The following CLUH variants were observed in gnomAD, a reference collection of about 807,000 sequenced individuals.
The protein encoded by CLUH is CLUH binding protein of NUMT mRNA.
CLUH carries 77 observed loss-of-function variants against 139.3 expected under a neutral mutation model. That is an observed-to-expected ratio of 0.55 (90% CI 0.46 to 0.67). CLUH has a LOEUF of 0.67. CLUH is among the 30% of genes least tolerant of loss of function. The probability of loss-of-function intolerance (pLI) is 0.00; values close to 1 mark genes in which losing one functional copy is unlikely to be tolerated. For missense variants in CLUH, 1,876 were observed against 1,875.8 expected (o/e 1.00, Z 0.00); for synonymous variants, 999 against 801.6 (o/e 1.25, Z -4.16).
chr17:2,701,784 G>A, intron 4 of CLUH, 47 bp from the exon 5 acceptor site: 1 of 1,555,884 alleles, frequency 6.4e-7, no homozygotes, highest in African/African-American at 1.4e-5. Context: ...CCCAGGGCCA[G>A]CTGTCTCCCT....
Position 2,692,804 on chromosome 17 carries a change from C to T in CLUH, c.3288G>A (p.Glu1096=). ...CGTATTCCTGGATGGTGTTGGGGTG[C>T]TCGGTGCCCATCACCCGCTCGCTCA... is the stretch of plus-strand genomic sequence containing the variant. ...VLMSERVMGT[E]HPNTIQEYMH... The change falls in exon 20 of 26, where the codon GAG becomes GAA. Residue 1096 remains glutamate (E), a synonymous_variant. Coordinates refer to ENST00000651024, the MANE Select transcript of CLUH (RefSeq NM_001366661.1). The T allele has an allele frequency of 6.2e-7, 1 of 1,603,516 alleles. No individual in the cohort carries two copies. Among genetic ancestry groups the T allele is most frequent in the South Asian group, 1.1e-5 (1 of 90,074 alleles).
In CLUH at chr17:2,689,450, G is replaced by C. The variant is rs1045884; in HGVS notation, c.*1144C>G. 8 of 152,686 alleles carry C rather than the reference G, an allele frequency of 5.2e-5. No individual in the cohort carries two copies. Among genetic ancestry groups the C allele is most frequent in the South Asian group, 2.1e-4 (1 of 4,838 alleles). The allele number at this position is 152,686 out of a possible 1,614,324, so 9.5% of individuals were successfully genotyped here. On this transcript the variant is annotated 3_prime_UTR_variant, in exon 26 of 26. Coordinates refer to ENST00000651024, the MANE Select transcript of CLUH (RefSeq NM_001366661.1). ...TGAGGACGTGATGGTTTAAAAACAA[G>C]AAAAAGTTCTTGCTCAGCGGTGGGG...
chr17:2,694,727 C>T, intron 16 of CLUH, 130 bp downstream of exon 16: 1 of 1,381,246 alleles, frequency 7.2e-7, no homozygotes, highest in Non-Finnish European at 9.7e-7. Context: ...CCAGTGATCT[C>T]CACAGCTGCT....
At position 2,690,443 on chromosome 17, in the gene CLUH, C is replaced by G. The variant is rs935464327; in HGVS notation, c.*151G>C. 1.1e-5 allele frequency: 7 copies of G among 615,106 alleles called. No individual in the cohort carries two copies. Among genetic ancestry groups the G allele is most frequent in the African/African-American group, 1.9e-5 (1 of 51,834 alleles). 38.1% of individuals were successfully genotyped at this position (615,106 alleles called of 1,614,324 possible). ...AACACCTTCTGCGGGGCAGGCAGGC[C>G]AGGCTCCCAGGAGGACACGGGGGTG... On this transcript the variant is annotated 3_prime_UTR_variant, in exon 26 of 26. Transcript: ENST00000651024.
chr17:2,705,482 T>C (rs1193280031), intron 1 of CLUH, among the ~76,000 whole-genome samples: 1 of 151,752 alleles, frequency 6.6e-6, no homozygotes, highest in Non-Finnish European at 1.5e-5. Context: ...CCCACAGCCC[T>C]CCCACCGCCC....
In CLUH at chr17:2,694,510, C is replaced by T; in HGVS notation, c.2907G>A (p.Leu969=). 2 of 1,584,052 alleles carry T rather than the reference C, an allele frequency of 1.3e-6. No individual in the cohort carries two copies. Among genetic ancestry groups the T allele is most frequent in the Non-Finnish European group, 1.7e-6 (2 of 1,165,574 alleles). ...ETYGLQKITL[L]REISLKTGIQ... is the part of the protein sequence containing the mutation. ...TCCCTGTTTTCAGCGAGATCTCCCGCAGGAGCGTTATCTTCTGCAGGCCGT... is the reference window on the plus strand; with the variant it reads ...TCCCTGTTTTCAGCGAGATCTCCCGTAGGAGCGTTATCTTCTGCAGGCCGT... The change falls in exon 17 of 26, where the codon CTG becomes CTA. Residue 969 remains leucine, a synonymous_variant. Transcript: ENST00000651024.
intron 9 of CLUH, among the ~76,000 whole-genome samples, chr17:2,699,965 C>T (rs2070115220): frequency 6.6e-6 from 1 of 152,178 alleles, no homozygotes; most frequent in Non-Finnish European, 1.5e-5. Context: ...TGCTTTTCCT[C>T]ATTTCTCTTA....
chr17:2,690,543 C>G lies in CLUH; in HGVS notation c.*51G>C, dbSNP rs866354421. On this transcript the variant is annotated 3_prime_UTR_variant, in exon 26 of 26. Transcript: ENST00000651024. ...CAGGCTCGCCCCCTTCTCCCGCAGT[C>G]GGGCTCCCTGGTGACGGGGCCGCTG... is the stretch of plus-strand genomic sequence containing the variant. 26 of 1,388,832 alleles carry G rather than the reference C, an allele frequency of 1.9e-5. No homozygotes were observed. The highest frequency in any genetic ancestry group is 4.4e-4 in the Middle Eastern group (2 of 4,548). 86.0% of individuals were successfully genotyped at this position (1,388,832 alleles called of 1,614,324 possible).
chr17:2,701,403 T>C lies in CLUH; in HGVS notation c.862A>G (p.Ser288Gly), dbSNP rs1249271366. 7.4e-6 allele frequency: 12 copies of C among 1,611,182 alleles called. No homozygotes were observed. The highest frequency in any genetic ancestry group is 1.1e-5 in the South Asian group (1 of 90,480). Residue 288 changes from serine to glycine, a missense_variant, in exon 6 of 26, where the codon AGC (serine) becomes GGC (glycine). Transcript: ENST00000651024. The part of the protein sequence containing the change: ...FVITAEDRQV[S>G]ITASTRGFYL... ...AAGCCCCGTGTGGACGCGGTGATGC[T>C]GACTTGCCGGTCCTCGGCTGTGATC... is the stretch of plus-strand genomic sequence containing the variant.
chr17:2,694,114 G>C lies in CLUH; in HGVS notation c.3091+9C>G. On this transcript the variant is annotated intron_variant, in intron 18 of 25. Coordinates refer to ENST00000651024, the MANE Select transcript of CLUH (RefSeq NM_001366661.1). ...CCCCACCTCCACCCAGCCCCACCTG[G>C]CCACACACCCTGCTGCACTTTGGCC... 6.2e-7 allele frequency: 1 copy of C among 1,613,898 alleles called. No individual in the cohort carries two copies.
chr17:2,690,786 A>G lies in CLUH; in HGVS notation c.3864-9T>C. 4.0e-6 allele frequency: 6 copies of G among 1,484,756 alleles called. No individual in the cohort carries two copies. The highest frequency in any genetic ancestry group is 1.4e-5 in the South Asian group (1 of 71,598). The allele number at this position is 1,484,756 out of a possible 1,614,324, so 92.0% of individuals were successfully genotyped here. A position where few individuals can be genotyped will look rare whatever the true frequency, so the allele number is the denominator to read the frequency against. ...TCTCCAGGTCTTTTTGGCTGAGGAT[A>G]AGGGTGGGGATGGAGGTGGCTCTCA... is the stretch of plus-strand genomic sequence containing the variant. On this transcript the variant is annotated splice_polypyrimidine_tract_variant and intron_variant, in intron 25 of 25. Coordinates refer to ENST00000651024, the MANE Select transcript of CLUH (RefSeq NM_001366661.1).
chr17:2,708,145 C>A (rs374690732), intron 1 of CLUH, among the ~76,000 whole-genome samples: 1 of 152,188 alleles, frequency 6.6e-6, no homozygotes, highest in South Asian at 2.1e-4. Flanking sequence ...CCAGTAAGGG[C>A]TGCCCCAGCA....
chr17:2,690,525 G>A lies in CLUH; in HGVS notation c.*69C>T. 7.6e-7 allele frequency: 1 copy of A among 1,316,312 alleles called. No homozygotes were observed. Among genetic ancestry groups the A allele is most frequent in the Non-Finnish European group, 9.9e-7 (1 of 1,009,718 alleles). The allele number at this position is 1,316,312 out of a possible 1,614,324, so 81.5% of individuals were successfully genotyped here. ...TGCTTCCTCTTCCGCCCGCAGGCTC[G>A]CCCCCTTCTCCCGCAGTCGGGCTCC... On this transcript the variant is annotated 3_prime_UTR_variant, in exon 26 of 26. Transcript: ENST00000651024.
At chr17:2,697,481 G>A (rs938366207) in intron 10 of CLUH, among the ~76,000 whole-genome samples, 1 of 151,922 alleles carries the variant, frequency 6.6e-6, no homozygotes, top group African/African-American at 2.4e-5. Context: ...GCTCTCAACA[G>A]TGACAGGAAG....
intron 16 of CLUH, 127 bp downstream of exon 16, chr17:2,694,730 C>T (rs1035549419): frequency 5.8e-6 from 8 of 1,381,362 alleles, no homozygotes; most frequent in African/African-American, 2.9e-5. Flanking sequence ...GTGATCTCCA[C>T]AGCTGCTCCC....
chr17:2,698,066 C>A lies in CLUH; in HGVS notation c.1791G>T (p.Gly597=). The A allele has an allele frequency of 6.2e-7, 1 of 1,606,446 alleles. No individual in the cohort carries two copies. The highest frequency in any genetic ancestry group is 8.5e-7 in the Non-Finnish European group (1 of 1,178,784). The part of the protein sequence containing the change: ...VECKGIIGND[G]RHYILDLLRT... ...GCAGCAGGTCGAGGATGTAGTGGCG[C>A]CCGTCGTTGCCAATGATGCCCTTGC... The change falls in exon 10 of 26, where the codon GGG becomes GGT. Residue 597 remains glycine, a synonymous_variant. Coordinates refer to ENST00000651024, the MANE Select transcript of CLUH (RefSeq NM_001366661.1).
At position 2,696,230 on chromosome 17, in the gene CLUH, C is replaced by T; in HGVS notation, c.2320G>A (p.Glu774Lys). Residue 774 changes from glutamate (E) to lysine (K), a missense_variant, in exon 13 of 26, where the codon GAA (glutamate) becomes AAA (lysine). Around this residue, in one of 3 missense-constraint regions of CLUH, gnomAD observed 1,454 missense variants for 1,384.4 expected, o/e 1.05. Coordinates refer to ENST00000651024, the MANE Select transcript of CLUH (RefSeq NM_001366661.1). ...AGCAGCTGCTTCTGGTCCCGAACTTCATCCTGGCAGGACTCAGGGAAACGA... is the reference window on the plus strand; with the variant it reads ...AGCAGCTGCTTCTGGTCCCGAACTTTATCCTGGCAGGACTCAGGGAAACGA... ...GVRFPESCQD[E>K]VRDQKQLLKD... 1 of 1,575,834 alleles carries T rather than the reference C, an allele frequency of 6.3e-7. No individual in the cohort carries two copies. The highest frequency in any genetic ancestry group is 1.2e-5 in the South Asian group (1 of 85,660).
intron 3 of CLUH, among the ~76,000 whole-genome samples, chr17:2,702,276 CTTTG>C (rs1056790406): frequency 1.3e-5 from 2 of 152,228 alleles, no homozygotes; most frequent in Admixed American, 1.3e-4. Context: ...GAGCAGGGAT[CTTTG>C]TTTATAAAGA....
chr17:2,697,966 AGCCGGC>A lies in CLUH; in HGVS notation c.1885_1890del (p.Ala629_Gly630del). On this transcript the variant is annotated inframe_deletion, in exon 10 of 26. Transcript: ENST00000651024. ...AGCTTGTGCCGGTGGGCGCGGGGGAAGCCGGCGCGGGCGCATTCCTCAGGCAGCTCC... is the reference window on the plus strand; with the variant it reads ...AGCTTGTGCCGGTGGGCGCGGGGGAAGCGGGCGCATTCCTCAGGCAGCTCC... The A allele has an allele frequency of 6.4e-7, 1 of 1,573,670 alleles. No individual in the cohort carries two copies.
Sources: allele counts gnomAD v4.1 joint callset (sites outside exome capture counted in the v4.1 genomes callset), GRCh38; gene constraint gnomAD v4.1.1; regional missense constraint gnomAD v4.1.1; transcripts MANE v1.5; gene names NCBI Gene and HGNC (gene_info 2026-07-23, HGNC 2026-07-21).